NRXN3: variants seen among roughly 807,000 people sequenced by gnomAD.
NRXN3 encodes the protein neurexin III.
NRXN3 carries 32 observed loss-of-function variants against 137.6 expected under a neutral mutation model. That is an observed-to-expected ratio of 0.23 (90% CI 0.18 to 0.31). The LOEUF (loss-of-function observed/expected upper bound fraction) is 0.31. NRXN3 is among the 10% of genes least tolerant of loss of function. The probability of loss-of-function intolerance (pLI) is 1.00; values close to 1 mark genes in which losing one functional copy is unlikely to be tolerated. For missense variants in NRXN3, 1,574 were observed against 2,062.5 expected (o/e 0.76, Z 4.59); for synonymous variants, 798 against 784.5 (o/e 1.02, Z -0.29).
chr14:79,736,741 CAT>C (rs772987851), intron 19 of NRXN3, among the ~76,000 whole-genome samples: 1 of 152,300 alleles, frequency 6.6e-6, no homozygotes, highest in East Asian at 1.9e-4. Context: ...GAATGAGAAA[CAT>C]ATGGCTGTTT....
chr14:79,183,828 C>T (rs12436673), intron 15 of NRXN3, among the ~76,000 whole-genome samples: 5,470 of 152,296 alleles, frequency 0.036, 246 homozygotes, highest in East Asian at 0.22. Flanking sequence ...TTCAATCCCA[C>T]AAAGTTGACT....
chr14:78,679,233 C>T (rs971846547), intron 6 of NRXN3, among the ~76,000 whole-genome samples: 1 of 152,180 alleles, frequency 6.6e-6, no homozygotes, highest in African/African-American at 2.4e-5. Flanking sequence ...TATCTTCTCT[C>T]TAGAGTTTGA....
intron 20 of NRXN3, among the ~76,000 whole-genome samples, chr14:79,857,423 C>T (rs8015541): frequency 1.1e-3 from 167 of 152,206 alleles, no homozygotes; most frequent in African/African-American, 3.8e-3. Context: ...GGGGTTTCAC[C>T]GTGTTAGCCA....
intron 1 of NRXN3, among the ~76,000 whole-genome samples, chr14:78,230,812 A>G (rs2065292772): frequency 6.6e-6 from 1 of 152,174 alleles, no homozygotes; most frequent in Non-Finnish European, 1.5e-5. Context: ...CTCAAAGGCC[A>G]CAGGGAGGAC....
intron 16 of NRXN3, among the ~76,000 whole-genome samples, chr14:79,661,207 A>G (rs1483990785): frequency 6.6e-6 from 1 of 152,104 alleles, no homozygotes; most frequent in Admixed American, 6.6e-5. Context: ...AGATTTACGA[A>G]ATCATGAGTG....
intron 15 of NRXN3, among the ~76,000 whole-genome samples, chr14:79,320,190 C>T (rs1009401388): frequency 5.9e-5 from 9 of 152,120 alleles, no homozygotes; most frequent in African/African-American, 2.2e-4. Flanking sequence ...TCCCTGTGTT[C>T]AATAAAAACA....
chr14:79,283,186 A>C (rs2081575162), intron 15 of NRXN3, among the ~76,000 whole-genome samples: 1 of 152,224 alleles, frequency 6.6e-6, no homozygotes. Context: ...ATTTACTGCC[A>C]ATCTTATTCC....
chr14:79,679,095 GT>G, intron 17 of NRXN3, among the ~76,000 whole-genome samples: 1 of 150,260 alleles, frequency 6.7e-6, no homozygotes, highest in Non-Finnish European at 1.5e-5. Flanking sequence ...AGGGTTGTCA[GT>G]TGAAATTATT....
chr14:79,853,143 G>A (rs2099395381), intron 20 of NRXN3, among the ~76,000 whole-genome samples: 2 of 152,180 alleles, frequency 1.3e-5, no homozygotes, highest in East Asian at 3.9e-4. Context: ...GAAGTAATTA[G>A]CAACCCAGTG....
intron 4 of NRXN3, among the ~76,000 whole-genome samples, chr14:78,575,653 A>T (rs1190073042): frequency 6.6e-6 from 1 of 152,216 alleles, no homozygotes; most frequent in African/African-American, 2.4e-5. Context: ...GGCGAGTCAT[A>T]AGTAATCTAC....
At chr14:79,291,269 C>A (rs915307290) in intron 15 of NRXN3, among the ~76,000 whole-genome samples, 1 of 152,076 alleles carries the variant, frequency 6.6e-6, no homozygotes, top group Admixed American at 6.6e-5. Context: ...AGCAATTGAT[C>A]ACTTTTTATT....
intron 19 of NRXN3, among the ~76,000 whole-genome samples, chr14:79,705,429 G>A (rs534169094): frequency 1.3e-5 from 2 of 152,104 alleles, no homozygotes; most frequent in African/African-American, 4.8e-5. Flanking sequence ...GGTGAGGCAG[G>A]ATTATGCAAT....
chr14:79,581,262 A>G (rs914502421), intron 16 of NRXN3, among the ~76,000 whole-genome samples: 45 of 152,098 alleles, frequency 3.0e-4, no homozygotes, highest in African/African-American at 1.0e-3. Context: ...GGCTCTTGGG[A>G]TAAGCTTCCT....
At chr14:79,289,944 G>A (rs990347691) in intron 15 of NRXN3, among the ~76,000 whole-genome samples, 1 of 152,030 alleles carries the variant, frequency 6.6e-6, no homozygotes, top group African/African-American at 2.4e-5. Flanking sequence ...AAAACATAAA[G>A]CCCCTGGAAA....
Position 79,645,646 on chromosome 14 carries a change from G to T in NRXN3, c.3445-18132G>T, listed in dbSNP as rs1777546165. On this transcript the variant is annotated intron_variant, in intron 16 of 20. Transcript: ENST00000335750. ...AAAAAAAAAAGTTTTTTTCGTGTCG[G>T]TATTAATGCCTGGTATAATACCTCG... is the stretch of plus-strand genomic sequence containing the variant. Among the ~76,000 whole-genome samples, 2 of 133,942 alleles carry T rather than the reference G, an allele frequency of 1.5e-5. 1 individual carries two copies. Among genetic ancestry groups the T allele is most frequent in the Non-Finnish European group, 3.5e-5 (2 of 57,632 alleles). The allele number at this position is 133,942 out of a possible 152,430, so 87.9% of individuals were successfully genotyped here. A position where few individuals can be genotyped will look rare whatever the true frequency, so the allele number is the denominator to read the frequency against.
At chr14:78,293,977 C>G (rs1345247773) in intron 3 of NRXN3, among the ~76,000 whole-genome samples, 1 of 152,214 alleles carries the variant, frequency 6.6e-6, no homozygotes, top group African/African-American at 2.4e-5. Context: ...CATGCTGCTA[C>G]CTGGAATGTC....
chr14:79,757,351 T>G (rs2099023236), intron 19 of NRXN3, among the ~76,000 whole-genome samples: 1 of 152,214 alleles, frequency 6.6e-6, no homozygotes, highest in South Asian at 2.1e-4. Context: ...ACCTTGGTAC[T>G]GTTATCATCG....
At chr14:79,337,785 T>C (rs1302733979) in intron 15 of NRXN3, among the ~76,000 whole-genome samples, 1 of 152,154 alleles carries the variant, frequency 6.6e-6, no homozygotes, top group East Asian at 1.9e-4. Context: ...AAAGAATGGA[T>C]CTCCTGTAAT....
chr14:79,762,030 A>C (rs2099040411), intron 19 of NRXN3, among the ~76,000 whole-genome samples: 1 of 151,608 alleles, frequency 6.6e-6, no homozygotes, highest in African/African-American at 2.4e-5. Flanking sequence ...TGCATCCTGA[A>C]TTGATTTGTG....
Sources: gnomAD v4.1 joint callset for allele counts (sites outside exome capture counted in the v4.1 genomes callset) on GRCh38, gnomAD v4.1.1 for gene constraint, MANE v1.5 for transcripts, NCBI Gene and HGNC (gene_info 2026-07-23, HGNC 2026-07-21) for gene names.